The following A1CF variants were observed in gnomAD, a reference collection of about 807,000 sequenced individuals.
The protein encoded by A1CF is APOBEC1 complementation factor.
A neutral mutation model predicts 68.9 loss-of-function variants in A1CF; 48 were observed. That is an observed-to-expected ratio of 0.70 (90% CI 0.55 to 0.89). The LOEUF (loss-of-function observed/expected upper bound fraction) is 0.89. A1CF is among the 40% of genes least tolerant of loss of function. The pLI is 0.00. For synonymous variants in A1CF, 272 were observed against 260.4 expected (o/e 1.04, Z -0.43); for missense variants, 653 against 718.9 (o/e 0.91, Z 1.05).
intron 10 of A1CF, among the ~76,000 whole-genome samples, chr10:50,811,973 A>G (rs1048800234): frequency 6.6e-6 from 1 of 152,222 alleles, no homozygotes; most frequent in South Asian, 2.1e-4. Context: ...ACTCTGTAAG[A>G]CAGAACAATG....
intron 2 of A1CF, 67 bp downstream of exon 2, chr10:50,863,966 A>G (rs1423077413): frequency 6.6e-6 from 1 of 152,238 alleles, no homozygotes; most frequent in Non-Finnish European, 1.5e-5. Flanking sequence ...ACAATATCAC[A>G]TATACCCTCA....
chr10:50,880,088 T>C (rs1268965152), intron 1 of A1CF, among the ~76,000 whole-genome samples: 1 of 152,212 alleles, frequency 6.6e-6, no homozygotes, highest in East Asian at 1.9e-4. Context: ...GTTCTGCTCT[T>C]GGGTTCTCAT....
chr10:50,818,944 C>A (rs1329072740), intron 8 of A1CF, among the ~76,000 whole-genome samples: 1 of 152,096 alleles, frequency 6.6e-6, no homozygotes, highest in Non-Finnish European at 1.5e-5. Flanking sequence ...GGAAGCTGTT[C>A]TACATGGGGT....
chr10:50,819,119 CT>C (rs1190162619), intron 8 of A1CF, among the ~76,000 whole-genome samples: 1 of 152,110 alleles, frequency 6.6e-6, no homozygotes, highest in East Asian at 1.9e-4. Flanking sequence ...CTGCTTCTTT[CT>C]TTTCTCTTTT....
intron 12 of A1CF, among the ~76,000 whole-genome samples, chr10:50,807,123 TA>T (rs1837870854): frequency 6.6e-6 from 1 of 152,222 alleles, no homozygotes; most frequent in African/African-American, 2.4e-5. Flanking sequence ...AGAATCACTT[TA>T]TACTTAAGAG....
At chr10:50,817,696 G>A (rs930197547) in intron 8 of A1CF, among the ~76,000 whole-genome samples, 3 of 152,152 alleles carry the variant, frequency 2.0e-5, no homozygotes, top group African/African-American at 2.4e-5. Context: ...ATAGGTCTCT[G>A]CTTATAGGCA....
chr10:50,880,530 G>T (rs1001544587), intron 1 of A1CF, among the ~76,000 whole-genome samples: 2 of 152,146 alleles, frequency 1.3e-5, no homozygotes, highest in African/African-American at 4.8e-5. Flanking sequence ...CGGAAAAGAA[G>T]GTTAGAAAGA....
chr10:50,827,602 A>G (rs185182884), intron 7 of A1CF, among the ~76,000 whole-genome samples: 9 of 152,276 alleles, frequency 5.9e-5, no homozygotes, highest in Non-Finnish European at 1.2e-4. Context: ...AAAGACATAC[A>G]TAACATACCA....
chr10:50,877,862 C>A (rs1841584927), intron 1 of A1CF, among the ~76,000 whole-genome samples: 2 of 152,222 alleles, frequency 1.3e-5, no homozygotes, highest in African/African-American at 4.8e-5. Context: ...GTGGCTCACG[C>A]CTGTAATCCC....
intron 11 of A1CF, 97 bp from the exon 12 acceptor site, chr10:50,810,139 G>A (rs1300005585): frequency 2.4e-5 from 34 of 1,414,944 alleles, no homozygotes; most frequent in Non-Finnish European, 3.1e-5. Flanking sequence ...ATGACTGGAT[G>A]GTGGTATTTT....
chr10:50,801,058 A>G lies in A1CF; in HGVS notation c.*5671T>C, dbSNP rs1254787275. ...GACCAAGCAAGTGTCCCCAAGAGCT[A>G]TCTTTTGTCTTGCCCCACCACCTAA... On this transcript the variant is annotated 3_prime_UTR_variant, in exon 13 of 13. Transcript: ENST00000373997. 6.6e-6 allele frequency: 1 copy of G among 152,322 alleles called. No individual in the cohort carries two copies. The highest frequency in any genetic ancestry group is 1.5e-5 in the Non-Finnish European group (1 of 68,130). 9.4% of individuals were successfully genotyped at this position (152,322 alleles called of 1,614,324 possible). A position where few individuals can be genotyped will look rare whatever the true frequency, so the allele number is the denominator to read the frequency against.
intron 6 of A1CF, among the ~76,000 whole-genome samples, chr10:50,834,118 T>A (rs1043062193): frequency 6.6e-6 from 1 of 152,172 alleles, no homozygotes; most frequent in Non-Finnish European, 1.5e-5. Flanking sequence ...GGTGGGCCAA[T>A]GTGCCATTCT....
chr10:50,811,001 C>A, intron 11 of A1CF, 39 bp downstream of exon 11: 1 of 1,588,396 alleles, frequency 6.3e-7, no homozygotes, highest in Non-Finnish European at 8.6e-7. Flanking sequence ...TAAGTGTATC[C>A]TGCTCTAAAA....
intron 10 of A1CF, among the ~76,000 whole-genome samples, chr10:50,811,993 G>GTTC (rs1186055453): frequency 1.1e-4 from 16 of 152,182 alleles, no homozygotes; most frequent in African/African-American, 3.9e-4. Flanking sequence ...GTCTCAGGAT[G>GTTC]TGTCTCTGAG....
chr10:50,846,548 A>G, intron 3 of A1CF, among the ~76,000 whole-genome samples: 1 of 152,218 alleles, frequency 6.6e-6, no homozygotes, highest in Non-Finnish European at 1.5e-5. Context: ...CAAGTTGAGG[A>G]AACCAAACTT....
intron 12 of A1CF, among the ~76,000 whole-genome samples, chr10:50,807,807 ATTG>A (rs1277284356): frequency 6.6e-6 from 1 of 152,196 alleles, no homozygotes; most frequent in Non-Finnish European, 1.5e-5. Flanking sequence ...CCTATTTTTC[ATTG>A]TTGTTTTAAA....
intron 2 of A1CF, among the ~76,000 whole-genome samples, chr10:50,862,502 T>C (rs1840793353): frequency 6.6e-6 from 1 of 152,194 alleles, no homozygotes; most frequent in Admixed American, 6.5e-5. Flanking sequence ...GCCTTCACCT[T>C]TCTGATGGTT....
rs1839067893 is a variant in A1CF, at chr10:50,828,279, C to T, written c.621G>A (p.Trp207Ter). ...RKLLPGRIQLWGHGIAVDWAE... is the reference protein window; with the variant it reads ...RKLLPGRIQL ...CCCAGTCTACTGCAATACCATGTCC[C>T]CATAACTGAATTCTTCCTGTTGAAA... is the stretch of plus-strand genomic sequence containing the variant. The change falls in exon 7 of 13, where the codon TGG becomes TGA. Residue 207 changes from tryptophan to a stop codon, truncating the protein, a stop_gained. Coordinates refer to ENST00000373997, the MANE Select transcript of A1CF (RefSeq NM_014576.4). LOFTEE classifies it high-confidence loss of function. 1.3e-6 allele frequency: 2 copies of T among 1,556,108 alleles called. No individual in the cohort carries two copies. The highest frequency in any genetic ancestry group is 1.7e-6 in the Non-Finnish European group (2 of 1,143,208).
intron 4 of A1CF, 131 bp downstream of exon 4, chr10:50,843,857 C>CT: frequency 1.8e-6 from 2 of 1,135,248 alleles, no homozygotes; most frequent in South Asian, 2.9e-5. Context: ...GAAACTTTGT[C>CT]TATAATTGAG....
Sources: allele counts gnomAD v4.1 joint callset (sites outside exome capture counted in the v4.1 genomes callset), GRCh38; gene constraint gnomAD v4.1.1; transcripts MANE v1.5; gene names NCBI Gene and HGNC (gene_info 2026-07-23, HGNC 2026-07-21).